The following IQCC variants were observed in gnomAD, a reference collection of about 807,000 sequenced individuals.
IQCC encodes IQ motif containing C.
Under a neutral mutation model 27.0 loss-of-function variants are expected in IQCC, and 23 were observed. The observed-to-expected ratio is 0.85, with a 90% confidence interval of 0.61 to 1.21. The LOEUF is 1.21. Ranked by LOEUF, IQCC falls within the 50% of genes most tolerant of loss-of-function variation. The pLI is 0.00. For synonymous variants in IQCC, 220 were observed against 217.2 expected, an observed-to-expected ratio of 1.01 and a Z score of -0.11; for missense variants, 552 against 562.3, an observed-to-expected ratio of 0.98 and a Z score of 0.19.
Position 32,208,576 on chromosome 1 carries a change from C to A in IQCC, c.*494C>A. ...CCAAGATGATGCCACTGCACTCCAG[C>A]CTGGGCTACAGAGCGAGACACGGTC... On this transcript the variant is annotated 3_prime_UTR_variant, in exon 5 of 5. Transcript: ENST00000291358. 1 of 170,484 alleles carries A rather than the reference C, an allele frequency of 5.9e-6. No homozygotes were observed. The highest frequency in any genetic ancestry group is 1.3e-5 in the Non-Finnish European group (1 of 78,636). The allele number at this position is 170,484 out of a possible 1,614,324, so 10.6% of individuals were successfully genotyped here.
At position 32,206,705 on chromosome 1, in the gene IQCC, A is replaced by G; in HGVS notation, c.383A>G (p.Gln128Arg). The change falls in exon 3 of 5, where the codon CAG (glutamine) becomes CGG (arginine). Residue 128 changes from glutamine (Q) to arginine (R), a missense_variant. Physicochemically the swap from Gln to Arg is conservative, Grantham distance 43. Coordinates refer to ENST00000291358, the MANE Select transcript of IQCC (RefSeq NM_018134.3). ...CACAGCTCCTGGCTTCAGATGAAGC[A>G]GAACAGGAAACCCAGCCAAGAGAAG... is the stretch of plus-strand genomic sequence containing the variant. ...RDHSSWLQMKQNRKPSQEKTR... is the reference protein window; with the variant it reads ...RDHSSWLQMKRNRKPSQEKTR... The G allele has an allele frequency of 6.2e-7, 1 of 1,614,220 alleles. No homozygotes were observed. Among genetic ancestry groups the G allele is most frequent in the African/African-American group, 1.3e-5 (1 of 75,058 alleles).
chr1:32,207,039 G>A lies in IQCC; in HGVS notation c.477G>A (p.Gln159=), dbSNP rs1463186166. The A allele has an allele frequency of 1.9e-6, 3 of 1,613,302 alleles. No individual in the cohort carries two copies. ...TDQRLPHSQP[Q]LQELQYHRSH... ...AAAGACTGCCCCACAGCCAACCTCA[G>A]CTTCAAGAGCTTCAGTACCACCGCA... The change falls in exon 4 of 5, where the codon CAG becomes CAA. Residue 159 remains glutamine (Q), a synonymous_variant. Coordinates refer to ENST00000291358, the MANE Select transcript of IQCC (RefSeq NM_018134.3).
Position 32,206,213 on chromosome 1 carries a change from G to A in IQCC, c.102G>A (p.Glu34=). ...RQFQSLRAEY[E]AIVREVEGDL... is the part of the protein sequence containing the mutation. The stretch of plus-strand genomic sequence containing the variant: ...TCCAGAGCCTGCGAGCTGAGTATGA[G>A]GCGATTGTACGAGAGGTCGAGGGCG... The change falls in exon 2 of 5, where the codon GAG becomes GAA. Residue 34 remains glutamate (E), a synonymous_variant. Coordinates refer to ENST00000291358, the MANE Select transcript of IQCC (RefSeq NM_018134.3). 1.9e-6 allele frequency: 3 copies of A among 1,614,214 alleles called. No homozygotes were observed. Among genetic ancestry groups the A allele is most frequent in the South Asian group, 1.1e-5 (1 of 91,084 alleles).
Position 32,206,493 on chromosome 1 carries a change from C to G in IQCC, c.187-16C>G. 6.2e-7 allele frequency: 1 copy of G among 1,613,928 alleles called. No individual in the cohort carries two copies. Among genetic ancestry groups the G allele is most frequent in the Non-Finnish European group, 8.5e-7 (1 of 1,179,992 alleles). On this transcript the variant is annotated splice_polypyrimidine_tract_variant and intron_variant, in intron 2 of 4. Coordinates refer to ENST00000291358, the MANE Select transcript of IQCC (RefSeq NM_018134.3). ...GGGTTTAGCCCTGGGGCTCTCACATCTCTCTTGTTTCTCAGAAGGCAAAAT... is the reference window on the plus strand; with the variant it reads ...GGGTTTAGCCCTGGGGCTCTCACATGTCTCTTGTTTCTCAGAAGGCAAAAT...
rs1643435010 is a variant in IQCC at position 32,208,099 on chromosome 1, A to G, written c.*17A>G. 1 of 1,577,708 alleles carries G rather than the reference A, an allele frequency of 6.3e-7. No individual in the cohort carries two copies. On this transcript the variant is annotated 3_prime_UTR_variant, in exon 5 of 5. Coordinates refer to ENST00000291358, the MANE Select transcript of IQCC (RefSeq NM_018134.3). ...CCTGGCTAGACCCTAGGAAGCCAGG[A>G]GAGGATCAGGTTCCAAAGGGGAATG... is the stretch of plus-strand genomic sequence containing the variant.
chr1:32,206,859 C>T (rs1643359903), intron 3 of IQCC, 98 bp downstream of exon 3: 2 of 1,487,878 alleles, frequency 1.3e-6, no homozygotes, highest in Non-Finnish European at 9.2e-7. Context: ...AGCTGCATCC[C>T]TTTCCCGTCT....
Position 32,207,842 on chromosome 1 carries a change from G to A in IQCC, c.1161G>A (p.Leu387=). The change falls in exon 5 of 5, where the codon TTG becomes TTA. Residue 387 remains leucine, a synonymous_variant. Transcript: ENST00000291358. ...SEDHIIWDGT[L]GGPEHSVLDL... ...ACCACATCATCTGGGATGGTACCTT[G>A]GGGGGGCCAGAGCATAGTGTCCTCG... 6.2e-7 allele frequency: 1 copy of A among 1,613,964 alleles called. No individual in the cohort carries two copies. The highest frequency in any genetic ancestry group is 8.5e-7 in the Non-Finnish European group (1 of 1,179,956).
chr1:32,206,926 CA>C, intron 3 of IQCC, 75 bp from the exon 4 acceptor site: 1 of 1,416,294 alleles, frequency 7.1e-7, no homozygotes, highest in Non-Finnish European at 9.7e-7. Flanking sequence ...AGGGAGTTTC[CA>C]AAGTCTAAGG....
In IQCC at chr1:32,206,193, A is replaced by T. The variant is rs376330160; in HGVS notation, c.82A>T (p.Ser28Cys). The T allele has an allele frequency of 2.7e-5, 43 of 1,613,826 alleles. 1 individual carries two copies. Among genetic ancestry groups the T allele is most frequent in the African/African-American group, 1.6e-4 (12 of 74,966 alleles). ...RGFLVRRQFQ[S>C]LRAEYEAIVR... ...CTTCTTGGTCCGACGCCAGTTCCAG[A>T]GCCTGCGAGCTGAGTATGAGGCGAT... Residue 28 changes from serine (S) to cysteine (C), a missense_variant, in exon 2 of 5, where the codon AGC (serine) becomes TGC (cysteine). Coordinates refer to ENST00000291358, the MANE Select transcript of IQCC (RefSeq NM_018134.3).
Position 32,207,543 on chromosome 1 carries a change from C to T in IQCC, c.862C>T (p.Pro288Ser). The change falls in exon 5 of 5, where the codon CCA becomes TCA. Residue 288 changes from proline to serine, a missense_variant. Physicochemically the swap from Pro to Ser is moderately conservative, Grantham distance 74 (BLOSUM62 -1). Transcript: ENST00000291358. ...YSKSGPPSSI[P>S]SNSQALGDRL... The stretch of plus-strand genomic sequence containing the variant: ...CAAGTCTGGACCACCGTCGTCTATA[C>T]CATCAAACAGCCAGGCCTTGGGGGA... The T allele has an allele frequency of 3.7e-6, 6 of 1,611,824 alleles. No homozygotes were observed. The highest frequency in any genetic ancestry group is 5.1e-6 in the Non-Finnish European group (6 of 1,178,790).
chr1:32,207,215 C>T lies in IQCC; in HGVS notation c.559-25C>T, dbSNP rs41306595. 1,141 of 1,612,640 alleles carry T rather than the reference C, an allele frequency of 7.1e-4. 2 individuals carry two copies. Among genetic ancestry groups the T allele is most frequent in the Non-Finnish European group, 8.5e-4 (998 of 1,178,938 alleles). On this transcript the variant is annotated intron_variant, in intron 4 of 4. Coordinates refer to ENST00000291358, the MANE Select transcript of IQCC (RefSeq NM_018134.3). ...CATGCCCAAGCAGGCCTGCTTGGTA[C>T]AATGTATGTTCTCTCCCCCAACAGT... is the stretch of plus-strand genomic sequence containing the variant.
chr1:32,208,285 G>A lies in IQCC; in HGVS notation c.*203G>A. On this transcript the variant is annotated 3_prime_UTR_variant, in exon 5 of 5. Transcript: ENST00000291358. The stretch of plus-strand genomic sequence containing the variant: ...AGGAAGGACACATTTTCAATCCTCT[G>A]CCTGTAGCTCAATCCAAATTTGTGG... The A allele has an allele frequency of 3.5e-6, 2 of 567,550 alleles. No individual in the cohort carries two copies. The highest frequency in any genetic ancestry group is 2.9e-5 in the East Asian group (1 of 34,762). The allele number at this position is 567,550 out of a possible 1,614,324, so 35.2% of individuals were successfully genotyped here.
Position 32,207,068 on chromosome 1 carries a change from A to G in IQCC, c.506A>G (p.His169Arg). 1 of 1,613,558 alleles carries G rather than the reference A, an allele frequency of 6.2e-7. No individual in the cohort carries two copies. The highest frequency in any genetic ancestry group is 8.5e-7 in the Non-Finnish European group (1 of 1,179,730). Residue 169 changes from histidine (H) to arginine (R), a missense_variant, in exon 4 of 5, where the codon CAC becomes CGC. His to Arg is a conservative substitution (Grantham distance 29). Transcript: ENST00000291358. ...QLQELQYHRS[H>R]LAMELLWLQQ... ...CAAGAGCTTCAGTACCACCGCAGCC[A>G]CTTGGCCATGGAATTGCTGTGGCTG...
In IQCC at chr1:32,206,137, C is replaced by G; in HGVS notation, c.43-17C>G. 6.2e-7 allele frequency: 1 copy of G among 1,613,230 alleles called. No homozygotes were observed. The highest frequency in any genetic ancestry group is 1.1e-5 in the South Asian group (1 of 91,072). On this transcript the variant is annotated splice_polypyrimidine_tract_variant and intron_variant, in intron 1 of 4. Coordinates refer to ENST00000291358, the MANE Select transcript of IQCC (RefSeq NM_018134.3). ...TACCGTGATAAGGGACTTCTTTCCT[C>G]TCGTTCTCCATACCAGGCCTGCGTC...
Position 32,207,643 on chromosome 1 carries a change from A to G in IQCC, c.962A>G (p.Glu321Gly). Residue 321 changes from glutamate (E) to glycine (G), a missense_variant, in exon 5 of 5, where the codon GAG becomes GGG. Coordinates refer to ENST00000291358, the MANE Select transcript of IQCC (RefSeq NM_018134.3). The stretch of plus-strand genomic sequence containing the variant: ...TGCCTGCTGCAGATGAAAATCCTGG[A>G]GGACCAGACCCCCAGAGGTTTAAAA... The part of the protein sequence containing the change: ...GTCLLQMKIL[E>G]DQTPRGLKPR... 6.2e-7 allele frequency: 1 copy of G among 1,614,062 alleles called. No homozygotes were observed. The highest frequency in any genetic ancestry group is 8.5e-7 in the Non-Finnish European group (1 of 1,180,016).
chr1:32,207,757 T>G lies in IQCC; in HGVS notation c.1076T>G (p.Leu359Arg), dbSNP rs778980425. ...SNIKEMSPRK[L>R]DHKEPDCRTV... The stretch of plus-strand genomic sequence containing the variant: ...ATTAAGGAGATGTCTCCCAGAAAAC[T>G]AGACCACAAAGAGCCTGACTGCCGA... Residue 359 changes from leucine (L) to arginine (R), a missense_variant, in exon 5 of 5, where the codon CTA (leucine) becomes CGA (arginine). Coordinates refer to ENST00000291358, the MANE Select transcript of IQCC (RefSeq NM_018134.3). 2.5e-6 allele frequency: 4 copies of G among 1,613,758 alleles called. No homozygotes were observed. Among genetic ancestry groups the G allele is most frequent in the African/African-American group, 1.3e-5 (1 of 74,896 alleles).
In IQCC at chr1:32,206,202, G is replaced by A. The variant is rs1163293919; in HGVS notation, c.91G>A (p.Ala31Thr). 3 of 1,614,008 alleles carry A rather than the reference G, an allele frequency of 1.9e-6. No individual in the cohort carries two copies. Among genetic ancestry groups the A allele is most frequent in the Non-Finnish European group, 2.5e-6 (3 of 1,179,854 alleles). The change falls in exon 2 of 5, where the codon GCT (alanine) becomes ACT (threonine). Residue 31 changes from alanine (A) to threonine (T), a missense_variant. By Grantham distance (58) the Ala-to-Thr change is moderately conservative (BLOSUM62 0). Transcript: ENST00000291358. ...CCGACGCCAGTTCCAGAGCCTGCGA[G>A]CTGAGTATGAGGCGATTGTACGAGA... ...LVRRQFQSLR[A>T]EYEAIVREVE...
At position 32,207,243 on chromosome 1, in the gene IQCC, C is replaced by G. The variant is rs764236869; in HGVS notation, c.562C>G (p.Leu188Val). The G allele has an allele frequency of 1.2e-6, 2 of 1,614,060 alleles. No individual in the cohort carries two copies. The highest frequency in any genetic ancestry group is 2.2e-5 in the South Asian group (2 of 91,064). ...TGTATGTTCTCTCCCCCAACAGTAC[C>G]TACTTCTTAAACAAACACTGAGATC... ...QQAINSRKEY[L>V]LLKQTLRSPE... The change falls in exon 5 of 5, where the codon CTA becomes GTA. Residue 188 changes from leucine (L) to valine (V), a missense_variant. By Grantham distance (32) the Leu-to-Val change is conservative (BLOSUM62 1). Transcript: ENST00000291358.
chr1:32,206,990 C>G lies in IQCC; in HGVS notation c.440-12C>G. ...TCAAGGTTTTCTCCTTCCTTTCTTC[C>G]CTCCTTCACAGAAGCCACAGATCAA... On this transcript the variant is annotated splice_polypyrimidine_tract_variant and intron_variant, in intron 3 of 4. Transcript: ENST00000291358. The G allele has an allele frequency of 6.3e-7, 1 of 1,591,838 alleles. No homozygotes were observed. The highest frequency in any genetic ancestry group is 8.6e-7 in the Non-Finnish European group (1 of 1,164,900).
Sources: allele counts gnomAD v4.1 joint callset, GRCh38; gene constraint gnomAD v4.1.1; transcripts MANE v1.5; gene names NCBI Gene and HGNC (gene_info 2026-07-23, HGNC 2026-07-21).